Variants in FRAS1 observed in about 807,000 individuals in gnomAD.
FRAS1 encodes extracellular matrix organizing protein FRAS1.
FRAS1 carries 290 observed loss-of-function variants against 435.2 expected under a neutral mutation model. That is an observed-to-expected ratio of 0.67 (90% CI 0.61 to 0.73). The LOEUF (loss-of-function observed/expected upper bound fraction) is 0.73, where lower values mean the gene tolerates loss of function less well. Among genes scored for constraint, FRAS1 ranks in the 30% least tolerant of loss-of-function variants. FRAS1 has a pLI of 0.00. For missense variants in FRAS1, 4,860 were observed against 5,001.5 expected, an observed-to-expected ratio of 0.97 and a Z score of 0.85; for synonymous variants, 1,800 against 1,851.0, an observed-to-expected ratio of 0.97 and a Z score of 0.71.
intron 47 of FRAS1, among the ~76,000 whole-genome samples, chr4:78,453,451 A>C (rs545690527): frequency 1.4e-3 from 207 of 152,234 alleles, no homozygotes; most frequent in Middle Eastern, 6.8e-3. Flanking sequence ...TCAGGGGAGA[A>C]CCTACACAAG....
intron 47 of FRAS1, among the ~76,000 whole-genome samples, chr4:78,454,711 C>G (rs1021710733): frequency 1.3e-5 from 2 of 152,250 alleles, no homozygotes; most frequent in Non-Finnish European, 2.9e-5. Context: ...TGAGCTTCCT[C>G]AAGGCACTGC....
At chr4:78,390,318 G>C (rs1732396092) in intron 29 of FRAS1, among the ~76,000 whole-genome samples, 1 of 152,032 alleles carries the variant, frequency 6.6e-6, no homozygotes, top group East Asian at 1.9e-4. Flanking sequence ...TATTCCATTT[G>C]ATCTTCATGA....
At chr4:78,080,716 T>C (rs544232745) in intron 2 of FRAS1, among the ~76,000 whole-genome samples, 1 of 152,344 alleles carries the variant, frequency 6.6e-6, no homozygotes, top group Admixed American at 6.5e-5. Flanking sequence ...GATGCATTAA[T>C]TTTGGGCTCA....
chr4:78,409,290 T>C (rs932670025), intron 31 of FRAS1, among the ~76,000 whole-genome samples: 15 of 152,014 alleles, frequency 9.9e-5, no homozygotes, highest in African/African-American at 3.6e-4. Flanking sequence ...TAGGAAATTC[T>C]TTAAAGAAAG....
intron 63 of FRAS1, among the ~76,000 whole-genome samples, chr4:78,509,475 C>CTTTTTTTTTTTTTTTTTTTTTTT (rs1560418759): frequency 6.6e-6 from 1 of 152,184 alleles, no homozygotes; most frequent in African/African-American, 2.4e-5. Flanking sequence ...TACCACATTT[C>CTTTTTTTTTTTTTTTTTTTTTTT]TGTAATGCAG....
chr4:78,432,953 G>C (rs1327637199), intron 38 of FRAS1, among the ~76,000 whole-genome samples: 1 of 152,174 alleles, frequency 6.6e-6, no homozygotes, highest in African/African-American at 2.4e-5. Flanking sequence ...ACATTTTAGA[G>C]CTTATGTGAT....
At chr4:78,237,644 T>G in intron 3 of FRAS1, 27 bp downstream of exon 3, 2 of 1,371,788 alleles carry the variant, frequency 1.5e-6, no homozygotes, top group South Asian at 2.8e-5. Context: ...GTGTCCTAAA[T>G]GTATTGGTAA....
intron 25 of FRAS1, among the ~76,000 whole-genome samples, chr4:78,375,297 AAC>A (rs1363481424): frequency 6.6e-6 from 1 of 152,222 alleles, no homozygotes; most frequent in Non-Finnish European, 1.5e-5. Flanking sequence ...TGCACATTAT[AAC>A]ACATGTAATC....
chr4:78,194,975 A>G (rs1722734703), intron 2 of FRAS1, among the ~76,000 whole-genome samples: 1 of 151,956 alleles, frequency 6.6e-6, no homozygotes, highest in Non-Finnish European at 1.5e-5. Context: ...TCTGTTGGTT[A>G]GTTTTCCTTC....
At chr4:78,285,500 C>T (rs1274001376) in intron 13 of FRAS1, among the ~76,000 whole-genome samples, 2 of 150,108 alleles carry the variant, frequency 1.3e-5, no homozygotes, top group African/African-American at 2.4e-5. Context: ...GGCATGGTCT[C>T]GGCTCACTGC....
intron 41 of FRAS1, among the ~76,000 whole-genome samples, chr4:78,441,558 G>T (rs755756620): frequency 6.6e-6 from 1 of 152,144 alleles, no homozygotes; most frequent in Non-Finnish European, 1.5e-5. Flanking sequence ...TTCAATTCTG[G>T]TGGGGGGGTG....
At chr4:78,111,836 G>C (rs545709175) in intron 2 of FRAS1, among the ~76,000 whole-genome samples, 1 of 150,386 alleles carries the variant, frequency 6.6e-6, no homozygotes, top group South Asian at 2.1e-4. Flanking sequence ...GAGACAGAAA[G>C]AAAAAACGTA....
At chr4:78,345,841 C>T (rs1158031368) in intron 20 of FRAS1, among the ~76,000 whole-genome samples, 2 of 146,208 alleles carry the variant, frequency 1.4e-5, no homozygotes, top group African/African-American at 5.1e-5. Flanking sequence ...ATGACCTATG[C>T]TTAAATTGAG....
chr4:78,059,137 G>A (rs915421990), intron 1 of FRAS1, among the ~76,000 whole-genome samples: 8 of 152,278 alleles, frequency 5.3e-5, no homozygotes, highest in African/African-American at 1.9e-4. Context: ...GCGCAGGGCG[G>A]GCCGCCTTCT....
At chr4:78,139,312 C>T (rs183969994) in intron 2 of FRAS1, among the ~76,000 whole-genome samples, 528 of 147,840 alleles carry the variant, frequency 3.6e-3, no homozygotes, top group South Asian at 8.6e-3. Flanking sequence ...AAAAAATGAA[C>T]CTTAGCAGAC....
chr4:78,216,461 A>T (rs1723773279), intron 2 of FRAS1, among the ~76,000 whole-genome samples: 1 of 152,226 alleles, frequency 6.6e-6, no homozygotes, highest in Admixed American at 6.5e-5. Context: ...TAAGGGAATG[A>T]TTTCATGAAT....
At chr4:78,335,531 C>T (rs900447978) in intron 19 of FRAS1, among the ~76,000 whole-genome samples, 4 of 152,132 alleles carry the variant, frequency 2.6e-5, no homozygotes, top group Admixed American at 6.5e-5. Context: ...CATATTTGAG[C>T]GGGTGAAGGA....
At chr4:78,491,685 C>T (rs1212411192) in intron 59 of FRAS1, among the ~76,000 whole-genome samples, 1 of 152,136 alleles carries the variant, frequency 6.6e-6, no homozygotes, top group Non-Finnish European at 1.5e-5. Context: ...GACAAACCCA[C>T]AGCCAATATC....
Position 78,536,746 on chromosome 4 carries a change from A to G in FRAS1, c.11093-249A>G, listed in dbSNP as rs1448394011. 3.3e-5 allele frequency among the ~76,000 whole-genome samples: 5 copies of G among 152,224 alleles called. No homozygotes were observed. In the East Asian group the frequency reaches 9.6e-4, roughly 29 times the overall value. On this transcript the variant is annotated intron_variant, in intron 71 of 73. Coordinates refer to ENST00000512123, the MANE Select transcript of FRAS1 (RefSeq NM_025074.7). ...ATACTTTGCTTCCCTTAAATGCTTAATTAATGCTTATTGAAAAAAAGAAGG... is the reference window on the plus strand; with the variant it reads ...ATACTTTGCTTCCCTTAAATGCTTAGTTAATGCTTATTGAAAAAAAGAAGG...
Sources: allele counts gnomAD v4.1 joint callset (sites outside exome capture counted in the v4.1 genomes callset), GRCh38; gene constraint gnomAD v4.1.1; transcripts MANE v1.5; gene names NCBI Gene and HGNC (gene_info 2026-07-23, HGNC 2026-07-21).